Variants in CFAP299 observed in about 807,000 individuals in gnomAD.
CFAP299 encodes the protein cilia- and flagella-associated protein 299.
CFAP299 carries 21 observed loss-of-function variants against 27.0 expected under a neutral mutation model. The observed-to-expected ratio is 0.78, with a 90% CI of 0.55 to 1.12. The LOEUF is 1.12. CFAP299 is among the 50% of genes most tolerant of loss of function. The probability of loss-of-function intolerance (pLI) is 0.00; values close to 1 mark genes in which losing one functional copy is unlikely to be tolerated. For missense variants in CFAP299, 310 were observed against 276.6 expected, an observed-to-expected ratio of 1.12 and a Z score of -0.86; for synonymous variants, 104 against 98.1, an observed-to-expected ratio of 1.06 and a Z score of -0.36.
intron 2 of CFAP299, among the ~76,000 whole-genome samples, chr4:80,404,284 C>A (rs1259445206): frequency 6.6e-6 from 1 of 151,964 alleles, no homozygotes; most frequent in Non-Finnish European, 1.5e-5. Context: ...TGATAAAGTA[C>A]ACATGTAACA....
chr4:80,883,603 AAAGTAAT>A (rs1399951289), intron 4 of CFAP299, among the ~76,000 whole-genome samples: 3 of 152,184 alleles, frequency 2.0e-5, no homozygotes, highest in Non-Finnish European at 4.4e-5. Flanking sequence ...AATGTTACAT[AAAGTAAT>A]AATTAAAAGA....
intron 4 of CFAP299, among the ~76,000 whole-genome samples, chr4:80,908,982 T>C (rs548761169): frequency 1.3e-5 from 2 of 152,284 alleles, no homozygotes; most frequent in South Asian, 4.1e-4. Context: ...GAGACACGTT[T>C]ACTTTAAATG....
At chr4:80,348,516 A>G (rs1187086650) in intron 1 of CFAP299, among the ~76,000 whole-genome samples, 1 of 152,250 alleles carries the variant, frequency 6.6e-6, no homozygotes, top group East Asian at 1.9e-4. Flanking sequence ...TCATGCAGCC[A>G]ACAAACATAT....
chr4:80,381,039 C>T (rs1724672605), intron 2 of CFAP299, among the ~76,000 whole-genome samples: 1 of 152,004 alleles, frequency 6.6e-6, no homozygotes, highest in African/African-American at 2.4e-5. Flanking sequence ...TTTTATATTC[C>T]ACTACTTCAA....
intron 3 of CFAP299, among the ~76,000 whole-genome samples, chr4:80,832,942 C>G (rs1730374335): frequency 6.6e-6 from 1 of 152,002 alleles, no homozygotes; most frequent in East Asian, 1.9e-4. Flanking sequence ...TTTTAAGTCA[C>G]CTGCTTCTAT....
rs190819369 is a variant in CFAP299 at position 80,400,832 on chromosome 4, T to G, written c.242+37948T>G. ...AAAAAGTCAGGAAAATGTGAGAAAG[T>G]TTGGAACTTCCTGGACACTTGTTGA... On this transcript the variant is annotated intron_variant, in intron 2 of 5. Coordinates refer to ENST00000358105, the MANE Select transcript of CFAP299 (RefSeq NM_152770.3). Among the ~76,000 whole-genome samples the G allele has an allele frequency of 2.9e-3, 449 of 152,254 alleles. 3 individuals are homozygous for G. The highest frequency in any genetic ancestry group is 0.024 in the Middle Eastern group (7 of 294).
At chr4:80,386,682 G>A (rs1402785512) in intron 2 of CFAP299, 2 of 1,579,100 alleles carry the variant, frequency 1.3e-6, no homozygotes, top group Admixed American at 1.7e-5. Flanking sequence ...TGGGCACGGC[G>A]GCTGAAGGAC....
intron 1 of CFAP299, among the ~76,000 whole-genome samples, chr4:80,342,117 GA>G (rs549986059): frequency 1.4e-3 from 216 of 152,198 alleles, no homozygotes; most frequent in African/African-American, 4.7e-3. Flanking sequence ...CAAGAACAGA[GA>G]AAAAAGAACG....
At chr4:80,603,118 A>G (rs774656568) in intron 3 of CFAP299, among the ~76,000 whole-genome samples, 1 of 152,194 alleles carries the variant, frequency 6.6e-6, no homozygotes, top group African/African-American at 2.4e-5. Context: ...GGAATTATGG[A>G]TTTGACTAAA....
intron 3 of CFAP299, among the ~76,000 whole-genome samples, chr4:80,701,062 T>C (rs1198503160): frequency 6.6e-6 from 1 of 152,026 alleles, no homozygotes; most frequent in Non-Finnish European, 1.5e-5. Flanking sequence ...CCAAGTACTG[T>C]CTGGTACCCA....
intron 2 of CFAP299, among the ~76,000 whole-genome samples, chr4:80,518,662 A>G (rs1732713005): frequency 6.6e-6 from 1 of 152,134 alleles, no homozygotes; most frequent in South Asian, 2.1e-4. Context: ...TAAGGGAGAA[A>G]AAATGACTGA....
chr4:80,864,675 A>G (rs1054233536), intron 3 of CFAP299, among the ~76,000 whole-genome samples: 5 of 151,634 alleles, frequency 3.3e-5, no homozygotes, highest in African/African-American at 4.8e-5. Context: ...ATAACTATAT[A>G]CACCAGGCAA....
intron 3 of CFAP299, among the ~76,000 whole-genome samples, chr4:80,682,001 A>T (rs996561720): frequency 6.6e-6 from 1 of 152,180 alleles, no homozygotes; most frequent in Non-Finnish European, 1.5e-5. Flanking sequence ...ACAAGGTGTT[A>T]TTGGGATACA....
At chr4:80,871,304 T>C in intron 4 of CFAP299, 1 of 985,480 alleles carries the variant, frequency 1.0e-6, no homozygotes, top group Non-Finnish European at 1.2e-6. Flanking sequence ...GCCCATGTCT[T>C]TTTGATTTTT....
rs756145760 is a variant in CFAP299 at position 80,728,241 on chromosome 4, T to TA, written c.334-141746dup. 1.4e-4 allele frequency among the ~76,000 whole-genome samples: 21 copies of TA among 152,214 alleles called. 1 individual carries two copies. The highest frequency in any genetic ancestry group is 1.2e-3 in the East Asian group (6 of 5,178). On this transcript the variant is annotated intron_variant, in intron 3 of 5. Transcript: ENST00000358105. ...TCAAAACTTATAGAATATTCTTTTTTAAAAAATAATTTTCGAGCTGTTTTC... is the reference window on the plus strand; with the variant it reads ...TCAAAACTTATAGAATATTCTTTTTTAAAAAAATAATTTTCGAGCTGTTTTC...
At chr4:80,569,461 G>A (rs1400095972) in intron 2 of CFAP299, among the ~76,000 whole-genome samples, 1 of 151,844 alleles carries the variant, frequency 6.6e-6, no homozygotes, top group Admixed American at 6.6e-5. Flanking sequence ...TAAGACAAAA[G>A]AAGAAAAAGT....
At chr4:80,689,356 C>G (rs957247779) in intron 3 of CFAP299, among the ~76,000 whole-genome samples, 2 of 152,334 alleles carry the variant, frequency 1.3e-5, no homozygotes, top group Admixed American at 6.5e-5. Context: ...GGCAGAAACT[C>G]TACAAGCCAG....
At chr4:80,521,963 A>G (rs747613717) in intron 2 of CFAP299, among the ~76,000 whole-genome samples, 48 of 151,996 alleles carry the variant, frequency 3.2e-4, no homozygotes, top group Non-Finnish European at 6.3e-4. Flanking sequence ...CCCTGTTTTC[A>G]ATTGTTTTTT....
chr4:80,697,710 A>T (rs1247886143), intron 3 of CFAP299, among the ~76,000 whole-genome samples: 1 of 152,160 alleles, frequency 6.6e-6, no homozygotes, highest in Non-Finnish European at 1.5e-5. Context: ...ATACAATTAG[A>T]TTTAGCATAA....
Sources: allele counts gnomAD v4.1 joint callset (sites outside exome capture counted in the v4.1 genomes callset), GRCh38; gene constraint gnomAD v4.1.1; transcripts MANE v1.5; gene names NCBI Gene and HGNC (gene_info 2026-07-23, HGNC 2026-07-21).